Variants in CSMD1 observed in about 807,000 individuals in gnomAD.
CSMD1 encodes the protein CUB and sushi domain-containing protein 1.
CSMD1 carries 213 observed loss-of-function variants against 417.5 expected under a neutral mutation model. That is an observed-to-expected ratio of 0.51 (90% CI 0.46 to 0.57). CSMD1 has a LOEUF of 0.57. Ranked by LOEUF, CSMD1 falls within the 20% of genes least tolerant of loss-of-function variation. CSMD1 has a pLI of 0.00. For synonymous variants in CSMD1, 2,862 were observed against 1,736.8 expected (o/e 1.65, Z -16.11); for missense variants, 6,923 against 4,529.7 (o/e 1.53, Z -15.17).
intron 41 of CSMD1, among the ~76,000 whole-genome samples, chr8:3,133,213 T>C (rs1190560795): frequency 1.3e-5 from 2 of 151,928 alleles, no homozygotes; most frequent in Non-Finnish European, 2.9e-5. Flanking sequence ...TCCTGGGCCT[T>C]CTTGGCTGCT....
At chr8:2,941,636 A>C (rs1267899869) in intron 69 of CSMD1, among the ~76,000 whole-genome samples, 1 of 152,244 alleles carries the variant, frequency 6.6e-6, no homozygotes. Flanking sequence ...GGTTCACTAA[A>C]GTTGTTTGTC....
chr8:3,482,060 G>A (rs966390299), intron 11 of CSMD1, among the ~76,000 whole-genome samples: 1 of 152,138 alleles, frequency 6.6e-6, no homozygotes, highest in Non-Finnish European at 1.5e-5. Flanking sequence ...ACCACAAACA[G>A]GTTAAGATAA....
intron 5 of CSMD1, among the ~76,000 whole-genome samples, chr8:3,922,054 A>C (rs1321195572): frequency 6.6e-6 from 1 of 152,178 alleles, no homozygotes; most frequent in Admixed American, 6.6e-5. Context: ...CTATATATGT[A>C]GGTGCTACAA....
chr8:3,460,122 C>A (rs1816403073), intron 12 of CSMD1, among the ~76,000 whole-genome samples: 1 of 152,048 alleles, frequency 6.6e-6, no homozygotes, highest in Non-Finnish European at 1.5e-5. Context: ...GGGATGGAGG[C>A]AGCTCAGGGT....
intron 65 of CSMD1, 68 bp downstream of exon 65, chr8:2,954,156 T>G: frequency 1.3e-6 from 1 of 766,144 alleles, no homozygotes; most frequent in Non-Finnish European, 2.0e-6. Flanking sequence ...GAAAATAGTT[T>G]CACTGTGCAG....
intron 5 of CSMD1, among the ~76,000 whole-genome samples, chr8:3,764,204 C>T (rs1263776112): frequency 6.6e-6 from 1 of 152,184 alleles, no homozygotes; most frequent in Non-Finnish European, 1.5e-5. Flanking sequence ...CATTAGGTCA[C>T]TAAGTCACAT....
intron 7 of CSMD1, among the ~76,000 whole-genome samples, chr8:3,629,275 G>A (rs1486882076): frequency 6.6e-6 from 1 of 150,986 alleles, no homozygotes; most frequent in Non-Finnish European, 1.5e-5. Flanking sequence ...TTCTGAATAA[G>A]ATGCTTAATG....
intron 12 of CSMD1, among the ~76,000 whole-genome samples, chr8:3,444,574 G>A (rs1165142987): frequency 1.3e-5 from 2 of 152,108 alleles, no homozygotes; most frequent in African/African-American, 2.4e-5. Flanking sequence ...GATGCTACTG[G>A]TATCTGGTGG....
chr8:3,610,009 C>A (rs1197723697), intron 8 of CSMD1, among the ~76,000 whole-genome samples: 2 of 151,726 alleles, frequency 1.3e-5, no homozygotes, highest in Non-Finnish European at 2.9e-5. Flanking sequence ...AACTTGTTGG[C>A]CAGGCTGGTC....
intron 2 of CSMD1, among the ~76,000 whole-genome samples, chr8:4,453,794 C>G (rs887396249): frequency 1.4e-5 from 2 of 138,048 alleles, no homozygotes; most frequent in African/African-American, 2.6e-5. Context: ...GGTTCCCGAA[C>G]AAGATTGCGC....
At chr8:3,584,275 A>T (rs1217336961) in intron 9 of CSMD1, among the ~76,000 whole-genome samples, 1 of 152,168 alleles carries the variant, frequency 6.6e-6, no homozygotes, top group East Asian at 1.9e-4. Context: ...AGTTGAAAGG[A>T]AGAGGCAGAG....
chr8:3,635,658 A>G (rs188990341), intron 7 of CSMD1, among the ~76,000 whole-genome samples: 4,717 of 151,036 alleles, frequency 0.031, 113 homozygotes, highest in Non-Finnish European at 0.047. Context: ...TATTTTTTGT[A>G]TTTTTTAGTA....
intron 10 of CSMD1, among the ~76,000 whole-genome samples, chr8:3,513,265 G>GT (rs565656041): frequency 6.6e-5 from 10 of 150,872 alleles, no homozygotes; most frequent in East Asian, 2.0e-4. Context: ...AAATTATTTT[G>GT]TTTTTTGTAA....
At chr8:3,589,928 C>T (rs908300754) in intron 8 of CSMD1, among the ~76,000 whole-genome samples, 3 of 146,460 alleles carry the variant, frequency 2.0e-5, no homozygotes, top group African/African-American at 7.6e-5. Context: ...TCATTTCTGG[C>T]AATATATGTT....
chr8:3,501,308 A>G (rs1415250986), intron 10 of CSMD1, among the ~76,000 whole-genome samples: 1 of 152,166 alleles, frequency 6.6e-6, no homozygotes, highest in Non-Finnish European at 1.5e-5. Context: ...AGAAAAATGT[A>G]TGCATCATTG....
At chr8:4,528,404 T>C (rs527813327) in intron 2 of CSMD1, among the ~76,000 whole-genome samples, 1 of 152,294 alleles carries the variant, frequency 6.6e-6, no homozygotes, top group South Asian at 2.1e-4. Context: ...GTAAGTGGAA[T>C]ATGCAAAACA....
At chr8:3,144,794 AG>A (rs1308064297) in intron 40 of CSMD1, among the ~76,000 whole-genome samples, 712 of 27,480 alleles carry the variant, frequency 0.026, 5 homozygotes, top group East Asian at 0.086. Context: ...AGAGGCAACA[AG>A]GGGGGGGGGG....
At chr8:4,048,042 T>A (rs1262545624) in intron 3 of CSMD1, among the ~76,000 whole-genome samples, 1 of 151,542 alleles carries the variant, frequency 6.6e-6, no homozygotes, top group Non-Finnish European at 1.5e-5. Flanking sequence ...TAAAATGACA[T>A]GTAGAATTCA....
intron 12 of CSMD1, among the ~76,000 whole-genome samples, chr8:3,439,133 AAAAAAAAAAAAAAAAAAAACCAAG>A (rs1563390047): frequency 8.0e-6 from 1 of 125,708 alleles, no homozygotes; most frequent in African/African-American, 3.4e-5. Flanking sequence ...AAAAAAAAAA[AAAAAAAAAAAAAAAAAAAACCAAG>A]AAAAAAAAAA....
Sources: gnomAD v4.1 joint callset for allele counts (sites outside exome capture counted in the v4.1 genomes callset) on GRCh38, gnomAD v4.1.1 for gene constraint, MANE v1.5 for transcripts, NCBI Gene and HGNC (gene_info 2026-07-23, HGNC 2026-07-21) for gene names.